LRIG1: variants seen among roughly 807,000 people sequenced by gnomAD.
The protein encoded by LRIG1 is leucine rich repeats and immunoglobulin like domains 1, also known as leucine-rich repeats and immunoglobulin-like domains protein 1.
LRIG1 carries 48 observed loss-of-function variants against 99.2 expected under a neutral mutation model. That is an observed-to-expected ratio of 0.48 (90% CI 0.38 to 0.62). The LOEUF (loss-of-function observed/expected upper bound fraction) is 0.62, where lower values mean the gene tolerates loss of function less well. Ranked by LOEUF, LRIG1 falls within the 20% of genes least tolerant of loss-of-function variation. The pLI, the probability that LRIG1 is intolerant of heterozygous loss-of-function variation, is 0.00. For missense variants in LRIG1, 1,646 were observed against 1,434.4 expected (o/e 1.15, Z -2.38); for synonymous variants, 772 against 596.1 (o/e 1.29, Z -4.30).
At position 66,379,434 on chromosome 3, in the gene LRIG1, T is replaced by TTAA. The variant is rs1421632379; in HGVS notation, c.*826_*828dup. The TTAA allele has an allele frequency of 6.6e-6, 1 of 152,190 alleles. No homozygotes were observed. The highest frequency in any genetic ancestry group is 1.5e-5 in the Non-Finnish European group (1 of 68,038). 9.4% of individuals were successfully genotyped at this position (152,190 alleles called of 1,614,324 possible). A position where few individuals can be genotyped will look rare whatever the true frequency, so the allele number is the denominator to read the frequency against. ...GGTACCAACACCAGCAGCCTTTACC[T>TTAA]TAATTTAAAAGTCTCAAATAGCAAT... On this transcript the variant is annotated 3_prime_UTR_variant, in exon 19 of 19. Coordinates refer to ENST00000273261, the MANE Select transcript of LRIG1 (RefSeq NM_015541.3).
intron 3 of LRIG1, among the ~76,000 whole-genome samples, chr3:66,433,629 A>G (rs76148744): frequency 0.043 from 6,487 of 152,328 alleles, 438 homozygotes; most frequent in African/African-American, 0.15. Context: ...TCTCCCAATC[A>G]TACGATTTAC....
intron 5 of LRIG1, 43 bp from the exon 6 acceptor site, chr3:66,413,057 T>C (rs1286922552): frequency 3.7e-6 from 6 of 1,609,190 alleles, no homozygotes; most frequent in South Asian, 2.2e-5. Flanking sequence ...CTTATGTGCA[T>C]ATCCCACCCA....
In LRIG1 at chr3:66,420,110, A is replaced by C. The variant is rs9829231; in HGVS notation, c.366-2844T>G. ...AACCTCTACAACAACAACAAAAAAC[A>C]ACCAACCTGATTTTTAAAATGAGCC... On this transcript the variant is annotated intron_variant, in intron 3 of 18. Transcript: ENST00000273261. Among the ~76,000 whole-genome samples, 733 of 152,346 alleles carry C rather than the reference A, an allele frequency of 4.8e-3. 5 individuals carry two copies. Among genetic ancestry groups the C allele is most frequent in the African/African-American group, 0.016 (682 of 41,580 alleles).
At position 66,442,753 on chromosome 3, in the gene LRIG1, G is replaced by A. The variant is rs574616519; in HGVS notation, c.365+8806C>T. Among the ~76,000 whole-genome samples, 31 of 152,166 alleles carry A rather than the reference G, an allele frequency of 2.0e-4. No homozygotes were observed. The South Asian group carries it at 5.8e-3, about 29-fold the overall frequency. On this transcript the variant is annotated intron_variant, in intron 3 of 18. Transcript: ENST00000273261. ...AAGGGAAAGAAAGAGAGAAAGAGGC[G>A]GGCGGGGTGGTGGAAAGGAAAAAAG...
chr3:66,414,829 A>G, intron 5 of LRIG1, 91 bp downstream of exon 5: 1 of 1,267,478 alleles, frequency 7.9e-7, no homozygotes, highest in East Asian at 2.5e-5. Flanking sequence ...TGGAGCAAGG[A>G]AAGGGTGGCG....
rs1427492732 is a variant in LRIG1, at chr3:66,379,366, A to T, written c.*897T>A. 3.3e-5 allele frequency: 5 copies of T among 152,288 alleles called. No individual in the cohort carries two copies. 9.4% of individuals were successfully genotyped at this position (152,288 alleles called of 1,614,324 possible). ...GTCCCCCAAGGCCAATGTAATACTC[A>T]TTATATTGGCAAAACGAAAACATCA... On this transcript the variant is annotated 3_prime_UTR_variant, in exon 19 of 19. Transcript: ENST00000273261.
rs78853011 is a variant in LRIG1, at chr3:66,429,749, C to A, written c.366-12483G>T. Among the ~76,000 whole-genome samples the A allele has an allele frequency of 2.0e-3, 297 of 151,938 alleles. 3 individuals are homozygous for A. Among genetic ancestry groups the A allele is most frequent in the African/African-American group, 6.8e-3 (282 of 41,384 alleles). On this transcript the variant is annotated intron_variant, in intron 3 of 18. Coordinates refer to ENST00000273261, the MANE Select transcript of LRIG1 (RefSeq NM_015541.3). ...CTCATCAGTTGTAACAAATGTACCA[C>A]ACTAATGCAAGATGTTAACAATAGG...
intron 3 of LRIG1, among the ~76,000 whole-genome samples, chr3:66,439,936 T>C (rs974376339): frequency 3.3e-5 from 5 of 152,114 alleles, no homozygotes; most frequent in South Asian, 2.1e-4. Flanking sequence ...CTAAAACCTC[T>C]ACTAGGGATC....
intron 3 of LRIG1, among the ~76,000 whole-genome samples, chr3:66,419,276 C>T (rs1702725656): frequency 6.6e-6 from 1 of 152,200 alleles, no homozygotes; most frequent in African/African-American, 2.4e-5. Flanking sequence ...TCTGTCTCCT[C>T]AGTCTTTGTC....
At chr3:66,472,241 G>A (rs750029041) in intron 1 of LRIG1, among the ~76,000 whole-genome samples, 7 of 144,664 alleles carry the variant, frequency 4.8e-5, no homozygotes, top group Admixed American at 1.4e-4. Context: ...GAGGCGGAGC[G>A]TGCAGTGAGC....
rs746779548 is a variant in LRIG1 at position 66,380,287 on chromosome 3, TGG to T, written c.3256_3257del (p.Pro1086ThrfsTer26). ...TGQLPGKQRV[P>X]LLLAPKS ...CCTAGCTTTTTGGTGCCAACAGCAG[TGG>T]CACCCTCTGTTTCCCGGGGAGCTGT... On this transcript the variant is annotated frameshift_variant, in exon 19 of 19. Coordinates refer to ENST00000273261, the MANE Select transcript of LRIG1 (RefSeq NM_015541.3). LOFTEE classifies it high-confidence loss of function. 6.2e-7 allele frequency: 1 copy of T among 1,613,464 alleles called. No individual in the cohort carries two copies.
At chr3:66,392,185 T>A (rs1701645510) in intron 12 of LRIG1, among the ~76,000 whole-genome samples, 1 of 152,252 alleles carries the variant, frequency 6.6e-6, no homozygotes, top group Non-Finnish European at 1.5e-5. Flanking sequence ...ACCTTTTGTT[T>A]ATCCAGTCAT....
chr3:66,485,058 T>C (rs1246596073), intron 1 of LRIG1, among the ~76,000 whole-genome samples: 1 of 150,886 alleles, frequency 6.6e-6, no homozygotes, highest in African/African-American at 2.4e-5. Flanking sequence ...CTCAGGAGGC[T>C]GAGGTGGGAA....
rs1242625304 is a variant in LRIG1, at chr3:66,500,353, G to A, written c.55C>T (p.Leu19Phe). ...LGAPRRSPCL[L>F]LLWLLLLRLE... ...CGAAGCAAAAGCAGCCAGAGAAGGA[G>A]AAGGCAAGGCGAGCGGCGCGGGGCC... The change falls in exon 1 of 19, where the codon CTC becomes TTC. Residue 19 changes from leucine (L) to phenylalanine (F), a missense_variant. Physicochemically the swap from Leu to Phe is conservative, Grantham distance 22 (BLOSUM62 0). Coordinates refer to ENST00000273261, the MANE Select transcript of LRIG1 (RefSeq NM_015541.3). 1.1e-5 allele frequency: 16 copies of A among 1,494,092 alleles called. No individual in the cohort carries two copies. Among genetic ancestry groups the A allele is most frequent in the Non-Finnish European group, 1.4e-5 (16 of 1,127,740 alleles). The allele number at this position is 1,494,092 out of a possible 1,614,324, so 92.6% of individuals were successfully genotyped here.
chr3:66,446,403 C>CTTTTT (rs1178928806), intron 3 of LRIG1, among the ~76,000 whole-genome samples: 1 of 129,192 alleles, frequency 7.7e-6, no homozygotes, highest in Non-Finnish European at 1.7e-5. Flanking sequence ...GCCCACCCGC[C>CTTTTT]TTTTTTTTTT....
At position 66,391,188 on chromosome 3, in the gene LRIG1, T is replaced by C. The variant is rs555124494; in HGVS notation, c.1468+2852A>G. ...ACATGCTAGCAAAAATGGGGAGAAA[T>C]TGGAATTCTCATGCATTGGTGATGG... On this transcript the variant is annotated intron_variant, in intron 12 of 18. Transcript: ENST00000273261. 1.0e-3 allele frequency among the ~76,000 whole-genome samples: 154 copies of C among 152,074 alleles called. 1 individual carries two copies. The highest frequency in any genetic ancestry group is 3.2e-3 in the Admixed American group (49 of 15,272).
intron 1 of LRIG1, among the ~76,000 whole-genome samples, chr3:66,492,483 C>G (rs571802521): frequency 1.1e-4 from 16 of 152,142 alleles, no homozygotes; most frequent in Middle Eastern, 6.8e-3. Flanking sequence ...TTCTCAAAGT[C>G]CAGCTAATTC....
chr3:66,383,744 T>C (rs1212896266), intron 14 of LRIG1, among the ~76,000 whole-genome samples: 1 of 140,926 alleles, frequency 7.1e-6, no homozygotes, highest in Non-Finnish European at 1.5e-5. Flanking sequence ...ATCCATCCTG[T>C]CCAATTCTTA....
chr3:66,451,020 C>G (rs1249842890), intron 3 of LRIG1, among the ~76,000 whole-genome samples: 1 of 152,112 alleles, frequency 6.6e-6, no homozygotes, highest in Non-Finnish European at 1.5e-5. Flanking sequence ...TAGCTAAGGC[C>G]CTTCATCTGC....
Sources: gnomAD v4.1 joint callset for allele counts (sites outside exome capture counted in the v4.1 genomes callset) on GRCh38, gnomAD v4.1.1 for gene constraint, MANE v1.5 for transcripts, NCBI Gene and HGNC (gene_info 2026-07-23, HGNC 2026-07-21) for gene names.